Variants in GSE1 observed in about 807,000 individuals in gnomAD.
GSE1 encodes the protein genetic suppressor element 1.
In GSE1, 32 loss-of-function variants were observed where a neutral mutation model predicts 112.6. The ratio of observed to expected loss-of-function variants is 0.28; its 90% CI spans 0.21 to 0.38. The LOEUF (loss-of-function observed/expected upper bound fraction) is 0.38. GSE1 is among the 10% of genes least tolerant of loss of function. The pLI, the probability that GSE1 is intolerant of heterozygous loss-of-function variation, is 1.00. For missense variants in GSE1, 2,348 were observed against 1,699.2 expected (o/e 1.38, Z -6.71); for synonymous variants, 1,115 against 735.6 (o/e 1.52, Z -8.35).
At chr16:85,334,812 G>C (rs946925220) in intron 1 of GSE1, among the ~76,000 whole-genome samples, 1 of 152,202 alleles carries the variant, frequency 6.6e-6, no homozygotes, top group South Asian at 2.1e-4. Context: ...GCCAGGAGTC[G>C]CTCTGAAAAG....
At chr16:85,225,832 T>C (rs1368863615) in intron 1 of GSE1, among the ~76,000 whole-genome samples, 1 of 152,234 alleles carries the variant, frequency 6.6e-6, no homozygotes, top group Non-Finnish European at 1.5e-5. Context: ...AGTTTCTGTG[T>C]GACAGAAATT....
chr16:85,347,864 G>A (rs970301605), intron 1 of GSE1, among the ~76,000 whole-genome samples: 2 of 152,158 alleles, frequency 1.3e-5, no homozygotes, highest in African/African-American at 4.8e-5. Flanking sequence ...TGGGCTTGGG[G>A]ACAACCCCAG....
At chr16:85,669,540 G>A (rs906599718) in intron 14 of GSE1, among the ~76,000 whole-genome samples, 9 of 151,954 alleles carry the variant, frequency 5.9e-5, no homozygotes, top group Admixed American at 5.2e-4. Flanking sequence ...AGTTTATTGC[G>A]CACCACCCCC....
chr16:85,393,548 G>A (rs2047896176), intron 2 of GSE1, among the ~76,000 whole-genome samples: 1 of 152,240 alleles, frequency 6.6e-6, no homozygotes, highest in Non-Finnish European at 1.5e-5. Flanking sequence ...TGTGGAAGCA[G>A]CTGGGAGGGT....
intron 1 of GSE1, among the ~76,000 whole-genome samples, chr16:85,191,021 G>A (rs1200856056): frequency 6.6e-6 from 1 of 152,242 alleles, no homozygotes; most frequent in African/African-American, 2.4e-5. Flanking sequence ...CACTTTGGGA[G>A]GTCACGGCAG....
chr16:85,648,670 C>G lies in GSE1; in HGVS notation c.345C>G (p.His115Gln), dbSNP rs865981619. ...MGPIIVPPGG[H>Q]SVPSTPPVVT... The stretch of plus-strand genomic sequence containing the variant: ...CTATCATCGTCCCCCCTGGGGGCCA[C>G]AGCGTGCCCAGCACCCCCCCCGTGG... The change falls in exon 3 of 16, where the codon CAC (histidine) becomes CAG (glutamine). Residue 115 changes from histidine (H) to glutamine (Q), a missense_variant. His to Gln is a conservative substitution (Grantham distance 24). Coordinates refer to ENST00000253458, the MANE Select transcript of GSE1 (RefSeq NM_014615.5). 6.2e-7 allele frequency: 1 copy of G among 1,602,914 alleles called. No individual in the cohort carries two copies. Among genetic ancestry groups the G allele is most frequent in the Middle Eastern group, 1.7e-4 (1 of 6,014 alleles).
At chr16:85,561,975 G>A (rs1011811790) in intron 1 of GSE1, among the ~76,000 whole-genome samples, 3 of 152,238 alleles carry the variant, frequency 2.0e-5, no homozygotes, top group Admixed American at 6.5e-5. Context: ...GAGCCGAGGC[G>A]GGGACGGGGC....
rs373985877 is a variant in GSE1, at chr16:85,180,934, T to G, written c.2283+9127T>G. ...AGGTCCTGATTTTCTTCTTTAAATG[T>G]GTGCCAGGGTGCTGCCTGCCAATGT... On this transcript the variant is annotated intron_variant, in intron 1 of 2. Coordinates refer to the GSE1 transcript ENST00000637419. Among the ~76,000 whole-genome samples the G allele has an allele frequency of 3.3e-3, 509 of 152,378 alleles. 5 individuals carry two copies. The highest frequency in any genetic ancestry group is 4.6e-3 in the Non-Finnish European group (316 of 68,032).
intron 2 of GSE1, among the ~76,000 whole-genome samples, chr16:85,364,849 G>C (rs967552363): frequency 5.9e-5 from 9 of 152,302 alleles, no homozygotes; most frequent in African/African-American, 1.9e-4. Context: ...CCATTCTGCT[G>C]GGCGGTTCGT....
chr16:85,595,263 A>C (rs1298715823), intron 1 of GSE1: 1 of 152,272 alleles, frequency 6.6e-6, no homozygotes, highest in Admixed American at 6.5e-5. Flanking sequence ...CGCTGCCCCA[A>C]GGGTCTTTAT....
exon 1 of GSE1, chr16:85,171,215 T>C: frequency 1.0e-6 from 1 of 985,656 alleles, no homozygotes; most frequent in Non-Finnish European, 1.2e-6. Context: ...CAGGGCTTCC[T>C]GGGCAGGTAC....
chr16:85,517,093 G>C (rs1390342851), intron 2 of GSE1, among the ~76,000 whole-genome samples: 1 of 152,178 alleles, frequency 6.6e-6, no homozygotes. Context: ...CACCGCGCCC[G>C]GCCATGTCTT....
chr16:85,670,868 A>T lies in GSE1; in HGVS notation c.3416-127A>T, dbSNP rs534452721. On this transcript the variant is annotated intron_variant, in intron 14 of 15. Coordinates refer to ENST00000253458, the MANE Select transcript of GSE1 (RefSeq NM_014615.5). Reference sequence around the variant, plus strand: ...CTGGGAGCATTGTGGTCCACAGGAGAGGCCTTCGCTGGCTGCACTGGAGAG... The same window carrying T: ...CTGGGAGCATTGTGGTCCACAGGAGTGGCCTTCGCTGGCTGCACTGGAGAG... 1.6e-4 allele frequency: 101 copies of T among 645,796 alleles called. 1 individual carries two copies. The highest frequency in any genetic ancestry group is 9.3e-4 in the Admixed American group (35 of 37,786). 40.0% of individuals were successfully genotyped at this position (645,796 alleles called of 1,614,324 possible). A position where few individuals can be genotyped will look rare whatever the true frequency, so the allele number is the denominator to read the frequency against.
chr16:85,442,599 A>G (rs910210868), intron 2 of GSE1, among the ~76,000 whole-genome samples: 2 of 152,154 alleles, frequency 1.3e-5, no homozygotes, highest in Non-Finnish European at 2.9e-5. Flanking sequence ...AATTTTTGGC[A>G]GGAGACAGGT....
At chr16:85,202,149 G>T (rs1039503379) in intron 1 of GSE1, among the ~76,000 whole-genome samples, 1 of 152,218 alleles carries the variant, frequency 6.6e-6, no homozygotes, top group Non-Finnish European at 1.5e-5. Flanking sequence ...GGCCCGGGCG[G>T]CCTGTGATGT....
chr16:85,558,264 C>G (rs1040155803), intron 1 of GSE1, among the ~76,000 whole-genome samples: 3 of 152,206 alleles, frequency 2.0e-5, no homozygotes, highest in Non-Finnish European at 2.9e-5. Context: ...CTGTCTCCCC[C>G]CGGGTCTGTG....
At chr16:85,476,772 C>T (rs545515203) in intron 2 of GSE1, among the ~76,000 whole-genome samples, 1 of 141,636 alleles carries the variant, frequency 7.1e-6, no homozygotes, top group Admixed American at 6.9e-5. Context: ...CCACGCCTGA[C>T]CATTTTTTTT....
intron 2 of GSE1, among the ~76,000 whole-genome samples, chr16:85,440,741 G>A (rs181209239): frequency 5.3e-5 from 8 of 152,300 alleles, no homozygotes; most frequent in East Asian, 3.9e-4. Flanking sequence ...GGCACAGCGC[G>A]GCCTGGAATA....
At chr16:85,226,165 GT>G (rs1414111469) in intron 1 of GSE1, among the ~76,000 whole-genome samples, 4 of 152,178 alleles carry the variant, frequency 2.6e-5, no homozygotes, top group Non-Finnish European at 5.9e-5. Context: ...AGGTAGGCAC[GT>G]CAGAGGATCC....
Sources: allele counts gnomAD v4.1 joint callset (sites outside exome capture counted in the v4.1 genomes callset), GRCh38; gene constraint gnomAD v4.1.1; transcripts MANE v1.5; gene names NCBI Gene and HGNC (gene_info 2026-07-23, HGNC 2026-07-21).